The following ULK2 variants were observed in gnomAD, a reference collection of about 807,000 sequenced individuals.
The protein encoded by ULK2 is unc-51 like autophagy activating kinase 2, also known as serine/threonine-protein kinase ULK2.
ULK2 carries 76 observed loss-of-function variants against 127.5 expected under a neutral mutation model. The observed-to-expected ratio is 0.60, with a 90% CI of 0.50 to 0.72. The LOEUF (loss-of-function observed/expected upper bound fraction) is 0.72, where lower values mean the gene tolerates loss of function less well. Among genes scored for constraint, ULK2 ranks in the 30% least tolerant of loss-of-function variants. ULK2 has a pLI of 0.00. For missense variants in ULK2, 1,144 were observed against 1,295.9 expected, an observed-to-expected ratio of 0.88 and a Z score of 1.80; for synonymous variants, 452 against 461.9, an observed-to-expected ratio of 0.98 and a Z score of 0.28.
chr17:19,821,543 A>G (rs1567701665), intron 12 of ULK2, among the ~76,000 whole-genome samples: 1 of 152,204 alleles, frequency 6.6e-6, no homozygotes, highest in Non-Finnish European at 1.5e-5. Flanking sequence ...GTATGAGTCT[A>G]CACCAGTCCT....
intron 13 of ULK2, 93 bp downstream of exon 13, chr17:19,816,656 C>T (rs1567698260): frequency 2.2e-5 from 24 of 1,109,702 alleles, no homozygotes; most frequent in Non-Finnish European, 2.5e-5. Flanking sequence ...GAAAAGGTGC[C>T]CTACACAAGA....
In ULK2 at chr17:19,816,776, G is replaced by A. The variant is rs1408155717; in HGVS notation, c.1069C>T (p.Pro357Ser). The A allele has an allele frequency of 6.2e-7, 1 of 1,604,722 alleles. No individual in the cohort carries two copies. The highest frequency in any genetic ancestry group is 8.5e-7 in the Non-Finnish European group (1 of 1,177,278). The change falls in exon 13 of 27, where the codon CCA becomes TCA. Residue 357 changes from proline to serine, a missense_variant. This residue lies in a region of ULK2 where 913 missense variants were observed against 970.5 expected (regional missense o/e 0.94). Coordinates refer to ENST00000395544, the MANE Select transcript of ULK2 (RefSeq NM_014683.4). Reference protein sequence around the residue: ...SCDTDDFVLVPHNISSDHSCD... With the variant: ...SCDTDDFVLVSHNISSDHSCD... ...GAGTGGTCTGACGAGATGTTGTGTG[G>A]CACCAAAACAAAGTCATCCGTGTCA...
chr17:19,848,936 T>G (rs927842792), intron 5 of ULK2, among the ~76,000 whole-genome samples: 1 of 152,238 alleles, frequency 6.6e-6, no homozygotes, highest in Non-Finnish European at 1.5e-5. Context: ...TTACCTTTAA[T>G]GCCTTATAAT....
chr17:19,789,973 C>T (rs1385139896), intron 20 of ULK2, among the ~76,000 whole-genome samples: 1 of 146,804 alleles, frequency 6.8e-6, no homozygotes, highest in African/African-American at 2.5e-5. Context: ...TAAACAATGA[C>T]CCGATCAAAA....
chr17:19,775,725 T>C lies in ULK2; in HGVS notation c.*624A>G, dbSNP rs2086801809. 6.6e-6 allele frequency: 1 copy of C among 152,606 alleles called. No homozygotes were observed. Among genetic ancestry groups the C allele is most frequent in the Non-Finnish European group, 1.5e-5 (1 of 68,034 alleles). The allele number at this position is 152,606 out of a possible 1,614,324, so 9.5% of individuals were successfully genotyped here. ...ATTGTGCCTTAGTTAAATTACAAAATCCAATACACAGTTGTTTTAATAAAT... is the reference window on the plus strand; with the variant it reads ...ATTGTGCCTTAGTTAAATTACAAAACCCAATACACAGTTGTTTTAATAAAT... On this transcript the variant is annotated 3_prime_UTR_variant, in exon 27 of 27. Coordinates refer to ENST00000395544, the MANE Select transcript of ULK2 (RefSeq NM_014683.4).
intron 3 of ULK2, among the ~76,000 whole-genome samples, chr17:19,853,818 G>A (rs1308673222): frequency 3.3e-5 from 5 of 150,806 alleles, no homozygotes; most frequent in East Asian, 2.0e-4. Flanking sequence ...TGATCCCCCC[G>A]CCTCGGCCTC....
At chr17:19,854,137 G>C (rs2042075318) in intron 3 of ULK2, among the ~76,000 whole-genome samples, 1 of 151,962 alleles carries the variant, frequency 6.6e-6, no homozygotes, top group African/African-American at 2.4e-5. Context: ...AATTAGCTGG[G>C]TGTGGTGGTG....
At position 19,784,698 on chromosome 17, in the gene ULK2, A is replaced by AT. The variant is rs1219761484; in HGVS notation, c.2252-794dup. 6.0e-5 allele frequency among the ~76,000 whole-genome samples: 9 copies of AT among 150,618 alleles called. No individual in the cohort carries two copies. The East Asian group carries it at 1.4e-3, about 23-fold the overall frequency. Reference sequence around the variant, plus strand: ...GCCACCATGTCTGGCTAATTTCTGTATTTTTTTTGTAGAGATGGGGTTTCA... The same window carrying AT: ...GCCACCATGTCTGGCTAATTTCTGTATTTTTTTTTGTAGAGATGGGGTTTCA... On this transcript the variant is annotated intron_variant, in intron 21 of 26. Coordinates refer to ENST00000395544, the MANE Select transcript of ULK2 (RefSeq NM_014683.4).
chr17:19,821,874 C>T (rs981384276), intron 12 of ULK2, among the ~76,000 whole-genome samples: 5 of 152,044 alleles, frequency 3.3e-5, no homozygotes, highest in Non-Finnish European at 5.9e-5. Context: ...TTTGTAGAGA[C>T]GGGATTTCAC....
At chr17:19,832,874 G>A (rs2041494633) in intron 10 of ULK2, among the ~76,000 whole-genome samples, 1 of 152,146 alleles carries the variant, frequency 6.6e-6, no homozygotes, top group Non-Finnish European at 1.5e-5. Context: ...TGTAATCCTA[G>A]CACTTTGGGA....
intron 3 of ULK2, among the ~76,000 whole-genome samples, chr17:19,862,190 G>A (rs949595873): frequency 1.3e-5 from 2 of 150,946 alleles, no homozygotes; most frequent in Admixed American, 6.7e-5. Flanking sequence ...TCCGCCTCCC[G>A]GGTTCAAGTG....
intron 14 of ULK2, among the ~76,000 whole-genome samples, chr17:19,805,887 A>G (rs2087504770): frequency 6.6e-6 from 1 of 152,214 alleles, no homozygotes; most frequent in Non-Finnish European, 1.5e-5. Flanking sequence ...CAACCACTCT[A>G]TAGTTAGGAC....
At chr17:19,820,526 C>A (rs748854696) in intron 12 of ULK2, among the ~76,000 whole-genome samples, 3 of 152,176 alleles carry the variant, frequency 2.0e-5, no homozygotes, top group Non-Finnish European at 4.4e-5. Context: ...TGGAAAAGGC[C>A]TATATTTGAG....
chr17:19,799,982 G>A (rs2087362715), intron 16 of ULK2, among the ~76,000 whole-genome samples: 2 of 152,350 alleles, frequency 1.3e-5, no homozygotes, highest in South Asian at 4.1e-4. Flanking sequence ...GCTGTTCCCA[G>A]CCAATGACTG....
intron 10 of ULK2, among the ~76,000 whole-genome samples, chr17:19,835,437 C>T (rs2041568954): frequency 2.0e-5 from 3 of 150,624 alleles, no homozygotes; most frequent in African/African-American, 7.3e-5. Context: ...ACTGTAGAGG[C>T]CGGGCGCGGT....
At chr17:19,857,254 G>C (rs2042153705) in intron 3 of ULK2, among the ~76,000 whole-genome samples, 1 of 149,786 alleles carries the variant, frequency 6.7e-6, no homozygotes, top group Admixed American at 6.7e-5. Context: ...GTTGCAGTGG[G>C]CCAAGATCAC....
At chr17:19,864,108 A>G (rs2042303702) in intron 3 of ULK2, among the ~76,000 whole-genome samples, 1 of 152,172 alleles carries the variant, frequency 6.6e-6, no homozygotes, top group South Asian at 2.1e-4. Context: ...GGAGTTCAAG[A>G]CTAGCCTGAG....
Position 19,846,926 on chromosome 17 carries a change from T to C in ULK2, c.296-16A>G. The C allele has an allele frequency of 6.3e-7, 1 of 1,592,236 alleles. No homozygotes were observed. The highest frequency in any genetic ancestry group is 8.6e-7 in the Non-Finnish European group (1 of 1,169,210). ...GTCCCTTTCGCTGGTACAAAAGGAG[T>C]CACGTAAATATTTAAGCACACAAAA... On this transcript the variant is annotated splice_polypyrimidine_tract_variant and intron_variant, in intron 5 of 26. Transcript: ENST00000395544.
intron 12 of ULK2, among the ~76,000 whole-genome samples, chr17:19,823,451 T>C (rs1171560726): frequency 2.0e-5 from 3 of 152,116 alleles, no homozygotes. Flanking sequence ...CATCCCTCAG[T>C]CACACTATCA....
Sources: gnomAD v4.1 joint callset for allele counts (sites outside exome capture counted in the v4.1 genomes callset) on GRCh38, gnomAD v4.1.1 for gene constraint, gnomAD v4.1.1 regional missense constraint, MANE v1.5 for transcripts, NCBI Gene and HGNC (gene_info 2026-07-23, HGNC 2026-07-21) for gene names.